The following SIGLEC5 variants were observed in gnomAD, a reference collection of about 807,000 sequenced individuals.
SIGLEC5 encodes the protein sialic acid-binding Ig-like lectin 5.
A neutral mutation model predicts 45.9 loss-of-function variants in SIGLEC5; 34 were observed. That is an observed-to-expected ratio of 0.74 (90% CI 0.56 to 0.99). The LOEUF is 0.99. Ranked by LOEUF, SIGLEC5 falls within the 50% of genes least tolerant of loss-of-function variation. SIGLEC5 has a pLI of 0.00. For missense variants in SIGLEC5, 508 were observed against 629.6 expected, an observed-to-expected ratio of 0.81 and a Z score of 2.07; for synonymous variants, 203 against 258.6, an observed-to-expected ratio of 0.79 and a Z score of 2.06.
chr19:51,618,443 T>TAAAA (rs1228951315), intron 8 of SIGLEC5, among the ~76,000 whole-genome samples: 1,806 of 49,388 alleles, frequency 0.037, 233 homozygotes, highest in Non-Finnish European at 0.049. Flanking sequence ...AGACCCTGCC[T>TAAAA]AAAAAAAAAA....
At chr19:51,617,176 A>G (rs1983098909) in intron 8 of SIGLEC5, among the ~76,000 whole-genome samples, 1 of 150,964 alleles carries the variant, frequency 6.6e-6, no homozygotes, top group African/African-American at 2.4e-5. Flanking sequence ...AATGGCGTGA[A>G]CCCGGGAGGC....
chr19:51,628,240 C>A, intron 4 of SIGLEC5, 149 bp from the exon 5 acceptor site: 1 of 898,838 alleles, frequency 1.1e-6, no homozygotes, highest in East Asian at 3.0e-5. Context: ...AAGGCTGGGC[C>A]TTTGCACACT....
At chr19:51,615,822 G>A (rs1453483268) in intron 8 of SIGLEC5, among the ~76,000 whole-genome samples, 1 of 152,176 alleles carries the variant, frequency 6.6e-6, no homozygotes, top group African/African-American at 2.4e-5. Context: ...TGTTGCCCAG[G>A]CTGGAGTGCA....
rs1183152033 is a variant in SIGLEC5 at position 51,616,770 on chromosome 19, G to T, written c.1465-4348C>A. On this transcript the variant is annotated intron_variant, in intron 8 of 8. Transcript: ENST00000683636. The stretch of plus-strand genomic sequence containing the variant: ...CTAAAAAAATACAAAAATTAGCCAG[G>T]CGTGATGATGTGCACCTGTAATCCC... Among the ~76,000 whole-genome samples the T allele has an allele frequency of 5.9e-5, 9 of 152,028 alleles. No homozygotes were observed. The East Asian group carries it at 1.6e-3, about 26-fold the overall frequency.
chr19:51,618,420 G>T (rs148304191), intron 8 of SIGLEC5, among the ~76,000 whole-genome samples: 2 of 121,710 alleles, frequency 1.6e-5, no homozygotes, highest in Non-Finnish European at 3.2e-5. Context: ...ATTCCAGCCC[G>T]CATGAGTGAG....
Position 51,627,824 on chromosome 19 carries a change from C to T in SIGLEC5, c.997+10G>A. On this transcript the variant is annotated intron_variant, in intron 5 of 8. Coordinates refer to ENST00000683636, the MANE Select transcript of SIGLEC5 (RefSeq NM_003830.4). ...CATGCAGTTCCTGCTCCAGCTGCCC[C>T]CACACTCACAGTAAACTGAGAGATT... 2 of 1,592,932 alleles carry T rather than the reference C, an allele frequency of 1.3e-6. No individual in the cohort carries two copies. Among genetic ancestry groups the T allele is most frequent in the Non-Finnish European group, 1.7e-6 (2 of 1,168,744 alleles).
chr19:51,629,081 G>A lies in SIGLEC5; in HGVS notation c.701-5C>T, dbSNP rs1983625241. The A allele has an allele frequency of 1.2e-6, 2 of 1,613,762 alleles. No individual in the cohort carries two copies. Among genetic ancestry groups the A allele is most frequent in the African/African-American group, 1.3e-5 (1 of 74,956 alleles). On this transcript the variant is annotated splice_region_variant and splice_polypyrimidine_tract_variant and intron_variant, in intron 3 of 8. Coordinates refer to ENST00000683636, the MANE Select transcript of SIGLEC5 (RefSeq NM_003830.4). ...TGGTGATGGTCTGTGGAGCATCTGG[G>A]ATAAAAAGATATAAACTTGGCTTCA...
chr19:51,613,701 T>A (rs80273536), intron 8 of SIGLEC5, among the ~76,000 whole-genome samples: 5,606 of 152,208 alleles, frequency 0.037, 138 homozygotes, highest in Admixed American at 0.056. Flanking sequence ...ATAAAAGATA[T>A]TCTAATTATC....
rs561870658 is a variant in SIGLEC5, at chr19:51,629,783, A to G, written c.421+50T>C. Reference sequence around the variant, plus strand: ...CTGCCCAACTCCTGTCCCTGTTCTCATACGGGGGTCTCCACGTCCCAGGGT... The same window carrying G: ...CTGCCCAACTCCTGTCCCTGTTCTCGTACGGGGGTCTCCACGTCCCAGGGT... On this transcript the variant is annotated intron_variant, in intron 2 of 8. Transcript: ENST00000683636. 4.5e-5 allele frequency: 59 copies of G among 1,303,194 alleles called. 4 individuals are homozygous for G. In the East Asian group the frequency reaches 1.1e-3, roughly 24 times the overall value. The allele number at this position is 1,303,194 out of a possible 1,614,324, so 80.7% of individuals were successfully genotyped here.
intron 8 of SIGLEC5, among the ~76,000 whole-genome samples, chr19:51,618,246 C>G (rs1246961228): frequency 6.6e-6 from 1 of 151,676 alleles, no homozygotes; most frequent in Non-Finnish European, 1.5e-5. Flanking sequence ...CAAGGGATGT[C>G]AAATTGGATT....
In SIGLEC5 at chr19:51,626,060, T is replaced by G. The variant is rs1485554667; in HGVS notation, c.1436A>C (p.Glu479Ala). Residue 479 changes from glutamate (E) to alanine (A), a missense_variant, in exon 8 of 9, where the codon GAA becomes GCA. Glu to Ala is a moderately radical substitution (Grantham distance 107). This residue lies in a region of SIGLEC5 where 431 missense variants were observed against 428.8 expected (regional missense o/e 1.01). Coordinates refer to ENST00000683636, the MANE Select transcript of SIGLEC5 (RefSeq NM_003830.4). ...GGTGATGGTACCCATAATGGGGTCT[T>G]CATCATCCATTTTCTCTGGTCTCCC... ...AAGRPEKMDD[E>A]DPIMGTITSG... 6.2e-7 allele frequency: 1 copy of G among 1,613,986 alleles called. No homozygotes were observed. The highest frequency in any genetic ancestry group is 1.3e-5 in the African/African-American group (1 of 75,024).
chr19:51,629,726 T>C, intron 2 of SIGLEC5, 90 bp from the exon 3 acceptor site: 1 of 853,110 alleles, frequency 1.2e-6, no homozygotes, highest in East Asian at 2.4e-5. Flanking sequence ...GGCCCCGACC[T>C]GCCCCAAGTC....
At chr19:51,617,411 A>G (rs1983109709) in intron 8 of SIGLEC5, among the ~76,000 whole-genome samples, 1 of 152,148 alleles carries the variant, frequency 6.6e-6, no homozygotes, top group African/African-American at 2.4e-5. Context: ...AGGACAGTGG[A>G]TCTTAAGAAT....
In SIGLEC5 at chr19:51,627,467, A is replaced by G; in HGVS notation, c.1277T>C (p.Leu426Pro). The G allele has an allele frequency of 6.2e-7, 1 of 1,611,574 alleles. No individual in the cohort carries two copies. The highest frequency in any genetic ancestry group is 8.5e-7 in the Non-Finnish European group (1 of 1,178,568). Residue 426 changes from leucine to proline, a missense_variant, in exon 6 of 9, where the codon CTG (leucine) becomes CCG (proline). Leu to Pro is a moderately conservative substitution (Grantham distance 98, BLOSUM62 -3). Transcript: ENST00000683636. ...TCTGCAATACGCCCCCTGACCTTGC[A>G]GCAGCAGGACAGAGCCGCTCTGGGA... ...YGSQSGSVLLLQGRSNLGTGV... is the reference protein window; with the variant it reads ...YGSQSGSVLLPQGRSNLGTGV...
intron 7 of SIGLEC5, among the ~76,000 whole-genome samples, chr19:51,626,334 C>T (rs539499380): frequency 6.6e-6 from 1 of 152,230 alleles, no homozygotes; most frequent in Non-Finnish European, 1.5e-5. Flanking sequence ...TATAGACCCC[C>T]TCTTACACAC....
At chr19:51,615,344 G>A (rs371780374) in intron 8 of SIGLEC5, among the ~76,000 whole-genome samples, 2 of 152,198 alleles carry the variant, frequency 1.3e-5, no homozygotes, top group South Asian at 4.1e-4. Context: ...AACTGGGCGG[G>A]GGGACAGCTG....
chr19:51,626,857 A>G (rs781016650), intron 7 of SIGLEC5, among the ~76,000 whole-genome samples: 2 of 152,160 alleles, frequency 1.3e-5, no homozygotes, highest in African/African-American at 2.4e-5. Context: ...AGAAAAGAAA[A>G]AAAGAAAGAA....
At chr19:51,625,720 C>T (rs906506381) in intron 8 of SIGLEC5, among the ~76,000 whole-genome samples, 4 of 152,136 alleles carry the variant, frequency 2.6e-5, no homozygotes, top group Non-Finnish European at 4.4e-5. Context: ...ATCCCAGCTA[C>T]TTGGGAGGCT....
rs1027739350 is a variant in SIGLEC5, at chr19:51,627,223, C to T, written c.1308G>A (p.Val436=). Residue 436 remains valine (V), a synonymous_variant, in exon 7 of 9, where the codon GTG becomes GTA. Transcript: ENST00000683636. ...CAGCACCACCAAGGGCTGCAGGAAC[C>T]ACTCCTGTCCCGAGGTTCGATCTCC... ...LQGRSNLGTG[V]VPAALGGAGV... 1 of 1,614,044 alleles carries T rather than the reference C, an allele frequency of 6.2e-7. No homozygotes were observed. Among genetic ancestry groups the T allele is most frequent in the Non-Finnish European group, 8.5e-7 (1 of 1,180,016 alleles).
Sources: gnomAD v4.1 joint callset for allele counts (sites outside exome capture counted in the v4.1 genomes callset) on GRCh38, gnomAD v4.1.1 for gene constraint, gnomAD v4.1.1 regional missense constraint, MANE v1.5 for transcripts, NCBI Gene and HGNC (gene_info 2026-07-23, HGNC 2026-07-21) for gene names.